Variants in UHRF2 observed in about 807,000 individuals in gnomAD.
UHRF2 encodes ubiquitin like with PHD and ring finger domains 2, also known as E3 ubiquitin-protein ligase UHRF2.
Under a neutral mutation model 96.8 loss-of-function variants are expected in UHRF2, and 23 were observed. The observed-to-expected ratio is 0.24, with a 90% confidence interval of 0.17 to 0.34. The LOEUF is 0.34. Among genes scored for constraint, UHRF2 ranks in the 10% least tolerant of loss-of-function variants. The pLI, the probability that UHRF2 is intolerant of heterozygous loss-of-function variation, is 1.00. For synonymous variants in UHRF2, 385 were observed against 332.6 expected, an observed-to-expected ratio of 1.16 and a Z score of -1.72; for missense variants, 685 against 981.5, an observed-to-expected ratio of 0.70 and a Z score of 4.04.
Position 6,477,731 on chromosome 9 carries a change from G to C in UHRF2, c.1083G>C (p.Leu361=), listed in dbSNP as rs771917492. ...GGKHEPNMQL[L]CDECNVAYHI... is the part of the protein sequence containing the mutation. ...AACATGAACCCAACATGCAGCTTCT[G>C]TGTGATGAATGTAATGTGGCTTATC... is the stretch of plus-strand genomic sequence containing the variant. The change falls in exon 6 of 16, where the codon CTG becomes CTC. Residue 361 remains leucine, a synonymous_variant. Transcript: ENST00000276893. 2 of 1,614,126 alleles carry C rather than the reference G, an allele frequency of 1.2e-6. No individual in the cohort carries two copies. The highest frequency in any genetic ancestry group is 2.2e-5 in the South Asian group (2 of 91,084).
intron 8 of UHRF2, among the ~76,000 whole-genome samples, chr9:6,486,045 C>T (rs1824271821): frequency 6.6e-6 from 1 of 151,978 alleles, no homozygotes; most frequent in Admixed American, 6.6e-5. Context: ...AGAAGCTGCA[C>T]ATAAGGCTAG....
In UHRF2 at chr9:6,438,708, T is replaced by C. The variant is rs1220528261; in HGVS notation, c.644+4535T>C. On this transcript the variant is annotated intron_variant, in intron 3 of 15. Coordinates refer to ENST00000276893, the MANE Select transcript of UHRF2 (RefSeq NM_152896.3). The stretch of plus-strand genomic sequence containing the variant: ...CAATGTTTGTCAGTTAAAATGGAGC[T>C]GTTTAAAAGCTGTTTTTTATAGTAA... 3.3e-5 allele frequency among the ~76,000 whole-genome samples: 5 copies of C among 152,232 alleles called. No homozygotes were observed. In the South Asian group the frequency reaches 8.3e-4, roughly 25 times the overall value.
At chr9:6,419,702 A>C (rs887106425) in intron 1 of UHRF2, among the ~76,000 whole-genome samples, 1 of 152,014 alleles carries the variant, frequency 6.6e-6, no homozygotes, top group East Asian at 1.9e-4. Context: ...TGTGTAGGTC[A>C]TAAGGTCACA....
chr9:6,430,962 C>T (rs771403310), intron 2 of UHRF2, among the ~76,000 whole-genome samples: 12 of 152,174 alleles, frequency 7.9e-5, no homozygotes, highest in Non-Finnish European at 1.8e-4. Context: ...TAGGCAAATT[C>T]TGTTTTCCTC....
At chr9:6,505,695 T>C (rs1048700778) in intron 15 of UHRF2, among the ~76,000 whole-genome samples, 2 of 152,206 alleles carry the variant, frequency 1.3e-5, no homozygotes, top group Non-Finnish European at 2.9e-5. Context: ...TTTTTCCCCC[T>C]CTAGGGCTCT....
chr9:6,422,459 C>G (rs536394059), intron 2 of UHRF2, among the ~76,000 whole-genome samples: 25 of 152,066 alleles, frequency 1.6e-4, no homozygotes, highest in African/African-American at 2.2e-4. Context: ...TATTTGCATA[C>G]AAAAAACTGT....
intron 9 of UHRF2, among the ~76,000 whole-genome samples, chr9:6,489,722 G>GTT (rs1273706902): frequency 5.9e-4 from 79 of 134,568 alleles, no homozygotes; most frequent in African/African-American, 2.1e-3. Context: ...TTCTAATTGG[G>GTT]TTTTTGTTTT....
intron 3 of UHRF2, among the ~76,000 whole-genome samples, chr9:6,440,491 A>G (rs538068736): frequency 2.8e-4 from 42 of 152,338 alleles, no homozygotes; most frequent in African/African-American, 9.4e-4. Context: ...ATAATTGATA[A>G]TAGCCAACTT....
At chr9:6,436,100 A>G (rs1820832919) in intron 3 of UHRF2, among the ~76,000 whole-genome samples, 2 of 152,236 alleles carry the variant, frequency 1.3e-5, no homozygotes, top group Admixed American at 6.5e-5. Flanking sequence ...ATTAATATGT[A>G]TGGAAAATAT....
intron 3 of UHRF2, 39 bp downstream of exon 3, chr9:6,434,212 C>T (rs1406236421): frequency 6.4e-7 from 1 of 1,561,170 alleles, no homozygotes; most frequent in Non-Finnish European, 8.7e-7. Flanking sequence ...TTCATATTTT[C>T]ATTTGTAGAA....
chr9:6,500,720 A>AT lies in UHRF2; in HGVS notation c.2163+18dup, dbSNP rs771601389. 1 of 1,593,174 alleles carries AT rather than the reference A, an allele frequency of 6.3e-7. No individual in the cohort carries two copies. Among genetic ancestry groups the AT allele is most frequent in the Non-Finnish European group, 8.5e-7 (1 of 1,172,320 alleles). ...CTTGTGGAAGGACCAGTATGTGAAG[A>AT]TTTTTTTAAATAATAACATTCTGAT... On this transcript the variant is annotated intron_variant, in intron 14 of 15. Coordinates refer to ENST00000276893, the MANE Select transcript of UHRF2 (RefSeq NM_152896.3).
intron 6 of UHRF2, among the ~76,000 whole-genome samples, chr9:6,478,829 A>G (rs562218268): frequency 9.2e-5 from 14 of 152,296 alleles, no homozygotes; most frequent in Admixed American, 1.3e-4. Flanking sequence ...GGGAAAGGAT[A>G]TATCTTCTTC....
chr9:6,489,978 C>A (rs557405961), intron 9 of UHRF2, among the ~76,000 whole-genome samples: 1 of 152,240 alleles, frequency 6.6e-6, no homozygotes, highest in South Asian at 2.1e-4. Context: ...TCTTCTTTAG[C>A]ATCCATATTT....
At chr9:6,444,448 A>G (rs939743642) in intron 3 of UHRF2, among the ~76,000 whole-genome samples, 2 of 152,206 alleles carry the variant, frequency 1.3e-5, no homozygotes, top group Non-Finnish European at 2.9e-5. Flanking sequence ...CACCTCTTCA[A>G]ACTTATATAT....
intron 2 of UHRF2, among the ~76,000 whole-genome samples, chr9:6,427,415 A>C (rs929823491): frequency 1.3e-5 from 2 of 152,178 alleles, no homozygotes; most frequent in Non-Finnish European, 2.9e-5. Context: ...GGCCAGGCAC[A>C]GTGGCTCACA....
intron 3 of UHRF2, chr9:6,449,669 A>G (rs939346703): frequency 1.3e-5 from 2 of 152,232 alleles, no homozygotes; most frequent in African/African-American, 2.4e-5. Context: ...GAACATTCCC[A>G]TTATTTTCTG....
At chr9:6,458,484 CTCTA>C (rs1822318819) in intron 3 of UHRF2, among the ~76,000 whole-genome samples, 1 of 150,078 alleles carries the variant, frequency 6.7e-6, no homozygotes, top group African/African-American at 2.4e-5. Flanking sequence ...TTTTTCATCT[CTCTA>C]TCTCCTTCAG....
At chr9:6,414,423 A>AATCAT in intron 1 of UHRF2, among the ~76,000 whole-genome samples, 1 of 152,304 alleles carries the variant, frequency 6.6e-6, no homozygotes. Flanking sequence ...TTCACGCTTT[A>AATCAT]AGCATAGCAC....
chr9:6,463,165 C>T (rs952810298), intron 4 of UHRF2, among the ~76,000 whole-genome samples: 9 of 152,134 alleles, frequency 5.9e-5, no homozygotes, highest in African/African-American at 1.9e-4. Context: ...CCTGTAATCC[C>T]AGCTACTCGA....
Sources: gnomAD v4.1 joint callset for allele counts (sites outside exome capture counted in the v4.1 genomes callset) on GRCh38, gnomAD v4.1.1 for gene constraint, MANE v1.5 for transcripts, NCBI Gene and HGNC (gene_info 2026-07-23, HGNC 2026-07-21) for gene names.